Variants in GABRB1 observed in about 807,000 individuals in gnomAD.
The protein encoded by GABRB1 is gamma-aminobutyric acid receptor subunit beta-1.
Under a neutral mutation model 51.6 loss-of-function variants are expected in GABRB1, and 17 were observed. That is an observed-to-expected ratio of 0.33 (90% CI 0.23 to 0.49). The LOEUF is 0.49. GABRB1 is among the 20% of genes least tolerant of loss of function. The pLI is 0.99. For synonymous variants in GABRB1, 247 were observed against 218.9 expected (o/e 1.13, Z -1.14); for missense variants, 410 against 600.6 (o/e 0.68, Z 3.32).
At chr4:47,178,760 A>G (rs1718809229) in intron 4 of GABRB1, among the ~76,000 whole-genome samples, 1 of 152,140 alleles carries the variant, frequency 6.6e-6, no homozygotes, top group Non-Finnish European at 1.5e-5. Context: ...ATGCCAAATG[A>G]GATGCCAAGA....
intron 3 of GABRB1, among the ~76,000 whole-genome samples, chr4:47,061,247 T>G (rs1726834927): frequency 6.6e-6 from 1 of 152,134 alleles, no homozygotes; most frequent in Non-Finnish European, 1.5e-5. Flanking sequence ...CCCCATCCAT[T>G]CTATGGAAAC....
At chr4:47,181,397 C>T (rs978535501) in intron 4 of GABRB1, among the ~76,000 whole-genome samples, 3 of 151,932 alleles carry the variant, frequency 2.0e-5, no homozygotes, top group Non-Finnish European at 4.4e-5. Flanking sequence ...TTTAATTACT[C>T]TATTTATGCT....
intron 4 of GABRB1, among the ~76,000 whole-genome samples, chr4:47,229,769 A>G (rs1015638673): frequency 6.6e-6 from 1 of 152,140 alleles, no homozygotes; most frequent in East Asian, 1.9e-4. Flanking sequence ...AAAGGGGCAC[A>G]TTTTAGGGTG....
intron 4 of GABRB1, among the ~76,000 whole-genome samples, chr4:47,300,281 T>TA (rs895457488): frequency 3.2e-4 from 48 of 152,002 alleles, no homozygotes; most frequent in South Asian, 8.3e-4. Flanking sequence ...GTGTTAATAG[T>TA]AAAAAAACAA....
intron 5 of GABRB1, among the ~76,000 whole-genome samples, chr4:47,347,029 C>A (rs1726123631): frequency 6.6e-6 from 1 of 152,116 alleles, no homozygotes; most frequent in African/African-American, 2.4e-5. Flanking sequence ...CTCCTGTAAT[C>A]CCAGTACTCT....
chr4:47,133,896 A>C (rs190647650), intron 3 of GABRB1, among the ~76,000 whole-genome samples: 3 of 152,298 alleles, frequency 2.0e-5, no homozygotes, highest in Admixed American at 2.0e-4. Context: ...CACTATTTAA[A>C]TATCCTATTC....
At chr4:47,371,599 G>T (rs1170195936) in intron 5 of GABRB1, among the ~76,000 whole-genome samples, 2 of 152,112 alleles carry the variant, frequency 1.3e-5, no homozygotes, top group Non-Finnish European at 1.5e-5. Flanking sequence ...ACGAGCATCT[G>T]TTGTTTCTTG....
intron 5 of GABRB1, among the ~76,000 whole-genome samples, chr4:47,356,859 CTGAAG>C (rs2110005427): frequency 6.6e-6 from 1 of 152,164 alleles, no homozygotes; most frequent in Non-Finnish European, 1.5e-5. Context: ...TTTGATGCCC[CTGAAG>C]GCTAAGAAAT....
At chr4:47,001,286 G>A (rs1202412313) in intron 1 of GABRB1, among the ~76,000 whole-genome samples, 3 of 152,060 alleles carry the variant, frequency 2.0e-5, no homozygotes, top group Admixed American at 6.5e-5. Flanking sequence ...GGGACTACAG[G>A]CGCCCCCCAC....
At chr4:47,199,565 G>A (rs1719819935) in intron 4 of GABRB1, among the ~76,000 whole-genome samples, 1 of 152,082 alleles carries the variant, frequency 6.6e-6, no homozygotes, top group African/African-American at 2.4e-5. Flanking sequence ...TGCACTGGAA[G>A]AGACAGACAG....
At chr4:47,391,187 C>A (rs1045211417) in intron 5 of GABRB1, among the ~76,000 whole-genome samples, 18 of 150,256 alleles carry the variant, frequency 1.2e-4, no homozygotes, top group Admixed American at 1.1e-3. Flanking sequence ...AAGAAAAAAA[C>A]AAAAGAAAGA....
chr4:47,329,090 A>C (rs1317897838), intron 5 of GABRB1, among the ~76,000 whole-genome samples: 1 of 152,172 alleles, frequency 6.6e-6, no homozygotes, highest in Non-Finnish European at 1.5e-5. Context: ...GTTTTCAGAC[A>C]TAAGACATGA....
At chr4:47,328,594 A>C (rs1281108238) in intron 5 of GABRB1, among the ~76,000 whole-genome samples, 1 of 152,238 alleles carries the variant, frequency 6.6e-6, no homozygotes, top group Non-Finnish European at 1.5e-5. Context: ...GCCATAAAAA[A>C]TGATGAGTTC....
intron 3 of GABRB1, among the ~76,000 whole-genome samples, chr4:47,077,938 TTTTA>T (rs1288278549): frequency 1.7e-5 from 2 of 120,582 alleles, no homozygotes; most frequent in African/African-American, 6.3e-5. Context: ...ATATTATATA[TTTTA>T]TATATATTAT....
chr4:47,154,632 G>A (rs1333556599), intron 3 of GABRB1, among the ~76,000 whole-genome samples: 2 of 151,982 alleles, frequency 1.3e-5, no homozygotes, highest in Non-Finnish European at 2.9e-5. Context: ...GCTTTTTCTG[G>A]TTGGAGGCAA....
At chr4:47,066,136 A>C (rs559032658) in intron 3 of GABRB1, among the ~76,000 whole-genome samples, 2 of 152,366 alleles carry the variant, frequency 1.3e-5, no homozygotes, top group Admixed American at 6.5e-5. Flanking sequence ...TGAGTCACAC[A>C]CAATTTTTGG....
chr4:47,423,476 G>A (rs983358976), intron 8 of GABRB1, among the ~76,000 whole-genome samples: 1 of 152,200 alleles, frequency 6.6e-6, no homozygotes, highest in South Asian at 2.1e-4. Context: ...TGTAAATTCT[G>A]TTGTAAAAGT....
intron 4 of GABRB1, among the ~76,000 whole-genome samples, chr4:47,187,187 A>T (rs1719215616): frequency 6.6e-6 from 1 of 151,822 alleles, no homozygotes; most frequent in Non-Finnish European, 1.5e-5. Context: ...GTTTGTACCT[A>T]AGCAAGTTTA....
intron 3 of GABRB1, among the ~76,000 whole-genome samples, chr4:47,125,647 C>T (rs1417496739): frequency 7.3e-6 from 1 of 136,238 alleles, no homozygotes; most frequent in East Asian, 2.2e-4. Context: ...GCTCCGCCTC[C>T]TGGGTTCACG....
Sources: gnomAD v4.1 joint callset for allele counts (sites outside exome capture counted in the v4.1 genomes callset) on GRCh38, gnomAD v4.1.1 for gene constraint, MANE v1.5 for transcripts, NCBI Gene and HGNC (gene_info 2026-07-23, HGNC 2026-07-21) for gene names.